The following FAP variants were observed in gnomAD, a reference collection of about 807,000 sequenced individuals.
The protein encoded by FAP is fibroblast activation protein alpha.
In FAP, 110 loss-of-function variants were observed where a neutral mutation model predicts 126.5. The observed-to-expected ratio is 0.87, with a 90% CI of 0.74 to 1.02. FAP has a LOEUF of 1.02. FAP is among the 50% of genes least tolerant of loss of function. The probability of loss-of-function intolerance (pLI) is 0.00; values close to 1 mark genes in which losing one functional copy is unlikely to be tolerated. For missense variants in FAP, 919 were observed against 909.2 expected (o/e 1.01, Z -0.14); for synonymous variants, 334 against 297.3 (o/e 1.12, Z -1.27).
intron 2 of FAP, among the ~76,000 whole-genome samples, chr2:162,229,245 A>G (rs1246854604): frequency 6.6e-6 from 1 of 152,114 alleles, no homozygotes; most frequent in Non-Finnish European, 1.5e-5. Context: ...TTCAACTAAA[A>G]CATCTAGCTC....
In FAP at chr2:162,235,000, G is replaced by A. The variant is rs528323487; in HGVS notation, c.91+7908C>T. Among the ~76,000 whole-genome samples, 7 of 152,260 alleles carry A rather than the reference G, an allele frequency of 4.6e-5. No individual in the cohort carries two copies. The East Asian group carries it at 1.4e-3, about 29-fold the overall frequency. ...TAGCACCCAGGCCAGCAGCTGCGGA[G>A]GGCGAACCGGGTCCCCTAGCAGTGC... On this transcript the variant is annotated intron_variant, in intron 2 of 25. Transcript: ENST00000188790.
At chr2:162,180,206 G>A (rs146643994) in intron 21 of FAP, among the ~76,000 whole-genome samples, 3 of 152,280 alleles carry the variant, frequency 2.0e-5, no homozygotes, top group South Asian at 2.1e-4. Context: ...GCCAGGAAAG[G>A]TATCTGGGCT....
At chr2:162,192,889 C>T (rs111657048) in intron 17 of FAP, among the ~76,000 whole-genome samples, 6 of 152,234 alleles carry the variant, frequency 3.9e-5, no homozygotes, top group African/African-American at 1.4e-4. Context: ...CATTTCCTAA[C>T]CCCCCAAACC....
At chr2:162,236,047 TTC>T (rs1236086953) in intron 2 of FAP, among the ~76,000 whole-genome samples, 3 of 152,240 alleles carry the variant, frequency 2.0e-5, no homozygotes, top group Non-Finnish European at 4.4e-5. Context: ...CAAATCCTTT[TTC>T]TGTGTCTATT....
chr2:162,218,587 A>AGAT (rs1689252680), intron 8 of FAP, among the ~76,000 whole-genome samples: 1 of 151,896 alleles, frequency 6.6e-6, no homozygotes, highest in African/African-American at 2.4e-5. Flanking sequence ...ATAGATAGAT[A>AGAT]GATAGATAGA....
At chr2:162,220,637 T>G (rs778691832) in intron 6 of FAP, among the ~76,000 whole-genome samples, 3 of 152,186 alleles carry the variant, frequency 2.0e-5, no homozygotes, top group Non-Finnish European at 4.4e-5. Context: ...GCTTGTAAAG[T>G]CCTCCACCCA....
chr2:162,234,347 T>C (rs1352651378), intron 2 of FAP, among the ~76,000 whole-genome samples: 2 of 152,184 alleles, frequency 1.3e-5, no homozygotes, highest in Non-Finnish European at 2.9e-5. Context: ...AAACATGGGA[T>C]GTCTTTCCAC....
At chr2:162,179,095 AC>A (rs1304597819) in intron 21 of FAP, among the ~76,000 whole-genome samples, 1 of 152,170 alleles carries the variant, frequency 6.6e-6, no homozygotes, top group African/African-American at 2.4e-5. Flanking sequence ...TTTCTAAGAC[AC>A]CAATACCTTG....
chr2:162,220,444 T>C (rs1689342829), intron 6 of FAP, among the ~76,000 whole-genome samples: 1 of 152,224 alleles, frequency 6.6e-6, no homozygotes, highest in African/African-American at 2.4e-5. Flanking sequence ...GTTTAGTATG[T>C]GCTCTTCTAC....
chr2:162,174,213 C>T (rs539017853), intron 22 of FAP, among the ~76,000 whole-genome samples: 17 of 152,122 alleles, frequency 1.1e-4, no homozygotes, highest in African/African-American at 4.1e-4. Context: ...AAATCTATTC[C>T]CCCTACACAC....
intron 12 of FAP, among the ~76,000 whole-genome samples, chr2:162,206,296 T>C (rs1001175386): frequency 6.6e-6 from 1 of 152,230 alleles, no homozygotes; most frequent in African/African-American, 2.4e-5. Context: ...TCCTCAGTTT[T>C]AATGAGGCCC....
Position 162,224,487 on chromosome 2 carries a change from A to G in FAP, c.339T>C (p.Tyr113=), listed in dbSNP as rs1391703801. 6.3e-7 allele frequency: 1 copy of G among 1,594,336 alleles called. No individual in the cohort carries two copies. Among genetic ancestry groups the G allele is most frequent in the East Asian group, 2.3e-5 (1 of 44,140 alleles). ...ATACCTTTGAATAATCACTTTCTAG[A>G]TATACAAATTGCCGATCAGGTGATA... ...YGLSPDRQFV[Y]LESDYSKLWR... is the part of the protein sequence containing the mutation. The change falls in exon 5 of 26, where the codon TAT becomes TAC. Residue 113 remains tyrosine (Y), a synonymous_variant. Transcript: ENST00000188790.
intron 11 of FAP, 77 bp downstream of exon 11, chr2:162,213,861 A>C: frequency 7.0e-7 from 1 of 1,424,534 alleles, no homozygotes; most frequent in Non-Finnish European, 9.4e-7. Context: ...ACAACATAAA[A>C]TGTTAGCTAT....
At chr2:162,194,472 A>T (rs1688165558) in intron 17 of FAP, among the ~76,000 whole-genome samples, 1 of 152,176 alleles carries the variant, frequency 6.6e-6, no homozygotes, top group South Asian at 2.1e-4. Context: ...GATATAACTC[A>T]TCTATCTGTG....
chr2:162,218,970 T>C (rs1689273676), intron 8 of FAP, 93 bp downstream of exon 8: 1 of 1,019,670 alleles, frequency 9.8e-7, no homozygotes, highest in Non-Finnish European at 1.3e-6. Context: ...TTCATGGAAA[T>C]AAGATACTAC....
rs1688344829 is a variant in FAP at position 162,198,318 on chromosome 2, A to G, written c.1402+439T>C. The G allele has an allele frequency of 4.7e-6, 6 of 1,288,352 alleles. No homozygotes were observed. The African/African-American group carries it at 9.1e-5, about 20-fold the overall frequency. 79.8% of individuals were successfully genotyped at this position (1,288,352 alleles called of 1,614,324 possible). On this transcript the variant is annotated intron_variant, in intron 16 of 25. Transcript: ENST00000188790. ...ATTCCCCTGGATGTGAGAGTTTGATATTTCTCTGGGCAAAGGGGGCCAAAA... is the reference window on the plus strand; with the variant it reads ...ATTCCCCTGGATGTGAGAGTTTGATGTTTCTCTGGGCAAAGGGGGCCAAAA...
chr2:162,196,413 G>A (rs1233539579), intron 16 of FAP, among the ~76,000 whole-genome samples: 2 of 151,768 alleles, frequency 1.3e-5, no homozygotes, highest in African/African-American at 4.8e-5. Context: ...CAGCCAGCAT[G>A]CAAAGAAATG....
chr2:162,194,332 GA>G (rs113792808), intron 17 of FAP, among the ~76,000 whole-genome samples: 9,719 of 98,382 alleles, frequency 0.099, 1,071 homozygotes, highest in African/African-American at 0.29. Flanking sequence ...AATCCCTGAG[GA>G]AAAAAAAAAA....
At chr2:162,236,768 TA>T (rs1224262976) in intron 2 of FAP, among the ~76,000 whole-genome samples, 1 of 152,142 alleles carries the variant, frequency 6.6e-6, no homozygotes, top group Non-Finnish European at 1.5e-5. Context: ...CCACCACTGC[TA>T]ATTTTTGTGT....
Sources: gnomAD v4.1 joint callset for allele counts (sites outside exome capture counted in the v4.1 genomes callset) on GRCh38, gnomAD v4.1.1 for gene constraint, MANE v1.5 for transcripts, NCBI Gene and HGNC (gene_info 2026-07-23, HGNC 2026-07-21) for gene names.